Variants in ZMAT4 observed in about 807,000 individuals in gnomAD.
ZMAT4 encodes the protein zinc finger matrin-type protein 4.
In ZMAT4, 17 loss-of-function variants were observed where a neutral mutation model predicts 28.7. That is an observed-to-expected ratio of 0.59 (90% CI 0.41 to 0.89). The LOEUF is 0.89. Among genes scored for constraint, ZMAT4 ranks in the 40% least tolerant of loss-of-function variants. ZMAT4 has a pLI of 0.00. For synonymous variants in ZMAT4, 117 were observed against 109.2 expected, an observed-to-expected ratio of 1.07 and a Z score of -0.44; for missense variants, 240 against 283.8, an observed-to-expected ratio of 0.85 and a Z score of 1.11.
Position 40,753,970 on chromosome 8 carries a change from G to A in ZMAT4, c.192+13671C>T, listed in dbSNP as rs183854486. ...TGGGAGACCGAGGTGGGCAGAGATA[G>A]AGACCATCCTGGCCAACATGGTGAA... On this transcript the variant is annotated intron_variant, in intron 3 of 6. Coordinates refer to ENST00000297737, the MANE Select transcript of ZMAT4 (RefSeq NM_024645.3). Among the ~76,000 whole-genome samples the A allele has an allele frequency of 2.4e-4, 36 of 152,134 alleles. 1 individual carries two copies. The highest frequency in any genetic ancestry group is 8.7e-4 in the African/African-American group (36 of 41,432).
At chr8:40,742,768 C>T (rs1427378892) in intron 3 of ZMAT4, among the ~76,000 whole-genome samples, 2 of 151,954 alleles carry the variant, frequency 1.3e-5, no homozygotes, top group African/African-American at 4.8e-5. Flanking sequence ...CACACACACA[C>T]ACACACACAC....
intron 2 of ZMAT4, among the ~76,000 whole-genome samples, chr8:40,778,397 T>G (rs1813692945): frequency 6.6e-6 from 1 of 152,188 alleles, no homozygotes; most frequent in East Asian, 1.9e-4. Context: ...TGCTCCCATC[T>G]CTACACTAAT....
intron 1 of ZMAT4, among the ~76,000 whole-genome samples, chr8:40,826,237 A>G (rs1476730512): frequency 1.3e-5 from 2 of 152,252 alleles, no homozygotes; most frequent in Non-Finnish European, 2.9e-5. Context: ...TCATCACACT[A>G]GAAAACTATG....
chr8:40,752,595 G>C (rs1812500137), intron 3 of ZMAT4, among the ~76,000 whole-genome samples: 1 of 152,164 alleles, frequency 6.6e-6, no homozygotes, highest in Admixed American at 6.5e-5. Context: ...ACCGCGGGAC[G>C]GGACAGCAAC....
chr8:40,553,505 A>G (rs1271313000), intron 6 of ZMAT4, among the ~76,000 whole-genome samples: 1 of 152,126 alleles, frequency 6.6e-6, no homozygotes, highest in Non-Finnish European at 1.5e-5. Context: ...TTTCAACACT[A>G]TGGTTGACTG....
At chr8:40,861,508 G>C (rs975538318) in intron 1 of ZMAT4, among the ~76,000 whole-genome samples, 1 of 152,180 alleles carries the variant, frequency 6.6e-6, no homozygotes, top group Non-Finnish European at 1.5e-5. Context: ...CAGGACATAG[G>C]CATGGGCAAG....
chr8:40,598,407 C>T (rs1041612794), intron 5 of ZMAT4, among the ~76,000 whole-genome samples: 5 of 152,144 alleles, frequency 3.3e-5, no homozygotes, highest in African/African-American at 1.2e-4. Flanking sequence ...GTTCCCCACC[C>T]TGTGTCCCTG....
At chr8:40,801,356 A>ATATATATATATG (rs1554559763) in intron 2 of ZMAT4, among the ~76,000 whole-genome samples, 11 of 139,674 alleles carry the variant, frequency 7.9e-5, no homozygotes, top group African/African-American at 1.1e-4. Flanking sequence ...AAAAAAATAT[A>ATATATATATATG]TATATATATA....
intron 3 of ZMAT4, among the ~76,000 whole-genome samples, chr8:40,698,721 A>G (rs1421914004): frequency 6.6e-6 from 1 of 152,210 alleles, no homozygotes; most frequent in Non-Finnish European, 1.5e-5. Flanking sequence ...CTTCCTCCTT[A>G]AGACATTAGT....
At chr8:40,860,092 G>C (rs778944124) in intron 1 of ZMAT4, among the ~76,000 whole-genome samples, 8 of 152,204 alleles carry the variant, frequency 5.3e-5, no homozygotes, top group Non-Finnish European at 7.3e-5. Context: ...GATCTTTTCA[G>C]CCTCAGTTTC....
At chr8:40,562,364 G>A (rs1803775166) in intron 6 of ZMAT4, among the ~76,000 whole-genome samples, 1 of 152,202 alleles carries the variant, frequency 6.6e-6, no homozygotes, top group African/African-American at 2.4e-5. Flanking sequence ...AGAGTTCTAG[G>A]GATCAGCAGG....
chr8:40,869,590 T>G (rs1189564288), intron 1 of ZMAT4, among the ~76,000 whole-genome samples: 4 of 152,312 alleles, frequency 2.6e-5, no homozygotes, highest in East Asian at 3.9e-4. Flanking sequence ...GAGATAATCT[T>G]GAAGCTCTAT....
chr8:40,790,116 G>A (rs1390143505), intron 2 of ZMAT4, among the ~76,000 whole-genome samples: 1 of 152,106 alleles, frequency 6.6e-6, no homozygotes, highest in Non-Finnish European at 1.5e-5. Context: ...AAACACAAAT[G>A]ATTGTGGCTG....
chr8:40,647,543 G>T (rs1807392156), intron 5 of ZMAT4, among the ~76,000 whole-genome samples: 1 of 152,204 alleles, frequency 6.6e-6, no homozygotes, highest in African/African-American at 2.4e-5. Context: ...AAACAAAGCA[G>T]CTGGGAAGCT....
intron 5 of ZMAT4, among the ~76,000 whole-genome samples, chr8:40,610,907 C>G (rs1805770451): frequency 6.8e-6 from 1 of 146,280 alleles, no homozygotes; most frequent in Admixed American, 7.0e-5. Context: ...CTCCTATTCT[C>G]AGACTTAAAA....
At chr8:40,801,347 A>ATATATATATATATATATATAT (rs1174640469) in intron 2 of ZMAT4, among the ~76,000 whole-genome samples, 3 of 48,562 alleles carry the variant, frequency 6.2e-5, no homozygotes, top group African/African-American at 9.3e-5. Context: ...TCTTTAAAAA[A>ATATATATATATATATATATAT]AAAAATATAT....
At chr8:40,821,849 A>AATG (rs1370142173) in intron 2 of ZMAT4, among the ~76,000 whole-genome samples, 2 of 152,190 alleles carry the variant, frequency 1.3e-5, no homozygotes, top group Non-Finnish European at 2.9e-5. Context: ...TTCCTAACAC[A>AATG]ATGATGCCAG....
intron 2 of ZMAT4, among the ~76,000 whole-genome samples, chr8:40,811,395 G>C (rs1406221482): frequency 2.0e-5 from 3 of 152,164 alleles, no homozygotes; most frequent in Non-Finnish European, 1.5e-5. Flanking sequence ...CTCCGGAACA[G>C]GCAAATGTCA....
chr8:40,704,783 G>A (rs1327962954), intron 3 of ZMAT4, among the ~76,000 whole-genome samples: 7 of 152,080 alleles, frequency 4.6e-5, no homozygotes, highest in South Asian at 2.1e-4. Flanking sequence ...TATCTCCCTC[G>A]TTTTCTTACC....
Sources: allele counts gnomAD v4.1 joint callset (sites outside exome capture counted in the v4.1 genomes callset), GRCh38; gene constraint gnomAD v4.1.1; transcripts MANE v1.5; gene names NCBI Gene and HGNC (gene_info 2026-07-23, HGNC 2026-07-21).